The following EPB41L3 variants were observed in gnomAD, a reference collection of about 807,000 sequenced individuals.
EPB41L3 encodes the protein erythrocyte membrane protein band 4.1 like 3.
Under a neutral mutation model 127.1 loss-of-function variants are expected in EPB41L3, and 57 were observed. The ratio of observed to expected loss-of-function variants is 0.45; its 90% CI spans 0.36 to 0.56. EPB41L3 has a LOEUF of 0.56. Among genes scored for constraint, EPB41L3 ranks in the 20% least tolerant of loss-of-function variants. The probability of loss-of-function intolerance (pLI) is 0.00; values close to 1 mark genes in which losing one functional copy is unlikely to be tolerated. For synonymous variants in EPB41L3, 572 were observed against 549.5 expected, an observed-to-expected ratio of 1.04 and a Z score of -0.57; for missense variants, 1,273 against 1,372.2, an observed-to-expected ratio of 0.93 and a Z score of 1.14.
rs937197230 is a variant in EPB41L3, at chr18:5,427,149, A to G, written c.1065+1164T>C. ...CTCCCAAAGTTCTGGGATTACAGGCATGAGACACCATGCCCAGCCGATATT... is the reference window on the plus strand; with the variant it reads ...CTCCCAAAGTTCTGGGATTACAGGCGTGAGACACCATGCCCAGCCGATATT... On this transcript the variant is annotated intron_variant, in intron 9 of 22. Transcript: ENST00000341928. Among the ~76,000 whole-genome samples the G allele has an allele frequency of 2.8e-4, 42 of 152,254 alleles. 1 individual carries two copies. Among genetic ancestry groups the G allele is most frequent in the Admixed American group, 2.6e-3 (39 of 15,290 alleles).
chr18:5,560,354 C>G (rs556389895), intron 3 of EPB41L3, among the ~76,000 whole-genome samples: 8 of 152,296 alleles, frequency 5.3e-5, no homozygotes, highest in Admixed American at 3.9e-4. Context: ...GAGTGAAGAA[C>G]TCTCATCCCT....
upstream of EPB41L3, among the ~76,000 whole-genome samples, chr18:5,546,637 T>C (rs563186210): frequency 1.3e-5 from 2 of 152,330 alleles, no homozygotes; most frequent in Non-Finnish European, 2.9e-5. Context: ...ATAGGAAATC[T>C]TGGAAGCAAT....
intron 3 of EPB41L3, among the ~76,000 whole-genome samples, chr18:5,585,330 T>C (rs2094432770): frequency 6.6e-6 from 1 of 152,120 alleles, no homozygotes; most frequent in Admixed American, 6.5e-5. Context: ...TTGTTGTTTT[T>C]TGTTTTTGAG....
chr18:5,435,034 G>C lies in EPB41L3; in HGVS notation c.606-913C>G, dbSNP rs543618466. Among the ~76,000 whole-genome samples the C allele has an allele frequency of 7.9e-5, 12 of 152,166 alleles. No individual in the cohort carries two copies. The South Asian group carries it at 2.5e-3, about 32-fold the overall frequency. On this transcript the variant is annotated intron_variant, in intron 6 of 22. Transcript: ENST00000341928. Reference sequence around the variant, plus strand: ...CTAGGCTAATAATATATGTGTTTATGTCTTAAGTTTTTAACAAAAGAGTTT... The same window carrying C: ...CTAGGCTAATAATATATGTGTTTATCTCTTAAGTTTTTAACAAAAGAGTTT...
At chr18:5,490,417 A>T (rs1599688258) in intron 1 of EPB41L3, among the ~76,000 whole-genome samples, 1 of 152,202 alleles carries the variant, frequency 6.6e-6, no homozygotes, top group South Asian at 2.1e-4. Flanking sequence ...AATATATATA[A>T]AAATATGTTT....
chr18:5,457,415 T>G (rs571605128), intron 3 of EPB41L3, among the ~76,000 whole-genome samples: 1 of 151,372 alleles, frequency 6.6e-6, no homozygotes, highest in African/African-American at 2.4e-5. Flanking sequence ...ATAAACCAGC[T>G]CTCCTTGCTT....
At chr18:5,448,885 A>T (rs1485001886) in intron 3 of EPB41L3, among the ~76,000 whole-genome samples, 1 of 152,218 alleles carries the variant, frequency 6.6e-6, no homozygotes, top group African/African-American at 2.4e-5. Flanking sequence ...ACAATCAAGA[A>T]AGTTTTAAAT....
intron 3 of EPB41L3, among the ~76,000 whole-genome samples, chr18:5,573,376 G>C (rs1433005892): frequency 6.6e-6 from 1 of 152,162 alleles, no homozygotes; most frequent in Non-Finnish European, 1.5e-5. Flanking sequence ...CCTTGGCTAA[G>C]TAAAATGGTA....
intron 1 of EPB41L3, among the ~76,000 whole-genome samples, chr18:5,494,926 G>A (rs1302965371): frequency 6.6e-6 from 1 of 152,148 alleles, no homozygotes; most frequent in Admixed American, 6.5e-5. Flanking sequence ...GTTACTCAGG[G>A]ATCATCTGGC....
intron 21 of EPB41L3, 130 bp from the exon 22 acceptor site, chr18:5,394,923 G>T: frequency 8.3e-7 from 1 of 1,200,984 alleles, no homozygotes; most frequent in Non-Finnish European, 1.2e-6. Flanking sequence ...GATTACAAAA[G>T]GAATCATAAA....
At chr18:5,629,606 C>G (rs1392097825), upstream of EPB41L3, among the ~76,000 whole-genome samples, 2 of 152,222 alleles carry the variant, frequency 1.3e-5, no homozygotes, top group African/African-American at 4.8e-5. Flanking sequence ...CCCCCCCTCC[C>G]CCGCGTTTCC....
chr18:5,610,659 T>G (rs556214571), intron 3 of EPB41L3, among the ~76,000 whole-genome samples: 2 of 151,860 alleles, frequency 1.3e-5, no homozygotes, highest in African/African-American at 4.8e-5. Flanking sequence ...ATTTACACAT[T>G]CCAACAAGCA....
At chr18:5,400,715 A>T (rs2074367075) in intron 16 of EPB41L3, 1 of 531,498 alleles carries the variant, frequency 1.9e-6, no homozygotes, top group Admixed American at 3.0e-5. Context: ...TTATTATCAG[A>T]AAGTAAGTCA....
chr18:5,499,971 T>C lies in EPB41L3; in HGVS notation c.-11-10777A>G, dbSNP rs192381969. Among the ~76,000 whole-genome samples the C allele has an allele frequency of 3.0e-3, 450 of 152,204 alleles. 18 individuals carry two copies. The highest frequency in any genetic ancestry group is 0.029 in the Admixed American group (438 of 15,290). On this transcript the variant is annotated intron_variant, in intron 1 of 22. Coordinates refer to ENST00000341928, the MANE Select transcript of EPB41L3 (RefSeq NM_012307.5). ...GGAAACAAAAAATAAACGCTCACTG[T>C]TGTTTCTACAGAAAACATGAATGGC... is the stretch of plus-strand genomic sequence containing the variant.
At chr18:5,603,113 A>G (rs1004249930) in intron 3 of EPB41L3, among the ~76,000 whole-genome samples, 1 of 152,026 alleles carries the variant, frequency 6.6e-6, no homozygotes, top group African/African-American at 2.4e-5. Context: ...TTTCCTTTTC[A>G]TTAATACTTT....
intron 3 of EPB41L3, among the ~76,000 whole-genome samples, chr18:5,468,050 T>C (rs369654803): frequency 3.9e-5 from 6 of 152,234 alleles, no homozygotes; most frequent in African/African-American, 1.4e-4. Flanking sequence ...CAGAGCAAAG[T>C]TGTGGCTGAG....
intron 3 of EPB41L3, chr18:5,577,562 A>G (rs748422821): frequency 4.8e-5 from 15 of 315,572 alleles, no homozygotes; most frequent in Non-Finnish European, 8.6e-5. Flanking sequence ...GGCAGGAAGC[A>G]ATAACTGCAC....
chr18:5,629,830 G>A (rs1464721807), upstream of EPB41L3, among the ~76,000 whole-genome samples: 1 of 152,200 alleles, frequency 6.6e-6, no homozygotes, highest in African/African-American at 2.4e-5. Context: ...TCCAACTCCG[G>A]CGAGGGCGGG....
chr18:5,408,291 T>G (rs113871751), intron 14 of EPB41L3, among the ~76,000 whole-genome samples: 1,983 of 149,966 alleles, frequency 0.013, 14 homozygotes, highest in African/African-American at 0.044. Flanking sequence ...TTTTTTTTTT[T>G]GAGACAGAGT....
Sources: allele counts gnomAD v4.1 joint callset (sites outside exome capture counted in the v4.1 genomes callset), GRCh38; gene constraint gnomAD v4.1.1; transcripts MANE v1.5; gene names NCBI Gene and HGNC (gene_info 2026-07-23, HGNC 2026-07-21).